KLF8: variants seen among roughly 807,000 people sequenced by gnomAD.
The protein encoded by KLF8 is KLF transcription factor 8.
KLF8 carries 10 observed loss-of-function variants against 18.2 expected under a neutral mutation model. That is an observed-to-expected ratio of 0.55 (90% confidence interval 0.34 to 0.93). The LOEUF (loss-of-function observed/expected upper bound fraction) is 0.93, where lower values mean the gene tolerates loss of function less well. Among genes scored for constraint, KLF8 ranks in the 40% least tolerant of loss-of-function variants. The pLI, the probability that KLF8 is intolerant of heterozygous loss-of-function variation, is 0.02. For missense variants in KLF8, 264 were observed against 277.9 expected (o/e 0.95, Z 0.36); for synonymous variants, 109 against 97.3 (o/e 1.12, Z -0.71).
At chrX:56,090,593 CT>C in the KLF8 span, among the ~76,000 whole-genome samples, 6 of 111,279 alleles carry the variant, frequency 5.4e-5, no homozygotes, top group Admixed American at 5.7e-4. Context: ...TTTTATATAC[CT>C]GTTGGCCATA....
chrX:56,063,650 A>T, the KLF8 span, among the ~76,000 whole-genome samples: 1 of 111,718 alleles, frequency 9.0e-6, no homozygotes, highest in Non-Finnish European at 1.9e-5. Flanking sequence ...CCACTTGAGG[A>T]GGCAGTCTGT....
chrX:55,935,145 G>T, the KLF8 span, among the ~76,000 whole-genome samples: 6 of 112,474 alleles, frequency 5.3e-5, no homozygotes, highest in Non-Finnish European at 9.4e-5. Context: ...AATACTAAGT[G>T]CTGGTGAATG....
chrX:55,985,844 C>T, the KLF8 span, among the ~76,000 whole-genome samples: 7 of 110,558 alleles, frequency 6.3e-5, no homozygotes, highest in Admixed American at 1.9e-4. Context: ...AGAGGTCCTT[C>T]GCTTTCCTTG....
chrX:55,925,334 A>C, the KLF8 span, among the ~76,000 whole-genome samples: 1 of 109,599 alleles, frequency 9.1e-6, no homozygotes, highest in Non-Finnish European at 1.9e-5. Context: ...CAAAAGGGTA[A>C]GGGGGCAATA....
the KLF8 span, among the ~76,000 whole-genome samples, chrX:56,064,926 T>C: frequency 9.0e-6 from 1 of 111,723 alleles, no homozygotes; most frequent in Non-Finnish European, 1.9e-5. Flanking sequence ...TATCCAATTC[T>C]CTCCTGGCAT....
At chrX:56,035,587 G>A in the KLF8 span, among the ~76,000 whole-genome samples, 1 of 112,224 alleles carries the variant, frequency 8.9e-6, no homozygotes, top group Non-Finnish European at 1.9e-5. Flanking sequence ...TACCAAGATT[G>A]TATAAGAGTT....
At chrX:56,216,937 G>T in the KLF8 span, among the ~76,000 whole-genome samples, 1 of 111,179 alleles carries the variant, frequency 9.0e-6, no homozygotes, top group East Asian at 2.8e-4. Flanking sequence ...TTCAACCTCA[G>T]GTAAGCCTTC....
chrX:56,119,803 G>A, the KLF8 span, among the ~76,000 whole-genome samples: 5 of 107,925 alleles, frequency 4.6e-5, no homozygotes, highest in Non-Finnish European at 7.6e-5. Flanking sequence ...GTTACAGAAG[G>A]GGCTGACTTC....
the KLF8 span, among the ~76,000 whole-genome samples, chrX:56,102,379 T>C: frequency 9.0e-6 from 1 of 111,667 alleles, no homozygotes; most frequent in Non-Finnish European, 1.9e-5. Flanking sequence ...TAAAGTCAGG[T>C]AGTTTGAAAA....
chrX:56,202,874 G>T, the KLF8 span, among the ~76,000 whole-genome samples: 5 of 111,080 alleles, frequency 4.5e-5, no homozygotes, highest in Non-Finnish European at 7.6e-5. Context: ...GGTAAACCCT[G>T]CTGGAACAAA....
At chrX:56,053,159 C>T in the KLF8 span, among the ~76,000 whole-genome samples, 1 of 112,201 alleles carries the variant, frequency 8.9e-6, no homozygotes, top group African/African-American at 3.2e-5. Context: ...TGACCTGCGC[C>T]CACTGTCTGG....
chrX:56,093,050 G>A, the KLF8 span, among the ~76,000 whole-genome samples: 249 of 108,085 alleles, frequency 2.3e-3, 4 homozygotes, highest in South Asian at 0.012. Flanking sequence ...CCCAAGAACT[G>A]TGGGACAACT....
the KLF8 span, among the ~76,000 whole-genome samples, chrX:56,198,242 A>C: frequency 1.8e-5 from 2 of 112,088 alleles, no homozygotes; most frequent in Admixed American, 1.9e-4. Flanking sequence ...GGCCAGGGCA[A>C]TCAGGCAAGA....
the KLF8 span, among the ~76,000 whole-genome samples, chrX:56,158,543 G>A: frequency 9.0e-6 from 1 of 111,494 alleles, no homozygotes; most frequent in Non-Finnish European, 1.9e-5. Context: ...TCTTCCATTT[G>A]TTTGTATCCT....
chrX:55,926,573 A>T, the KLF8 span, among the ~76,000 whole-genome samples: 3 of 111,112 alleles, frequency 2.7e-5, no homozygotes, highest in Non-Finnish European at 5.7e-5. Flanking sequence ...TGGGAATATG[A>T]TAATTTACTT....
the KLF8 span, among the ~76,000 whole-genome samples, chrX:56,189,261 C>T: frequency 1.8e-5 from 2 of 112,074 alleles, no homozygotes; most frequent in Non-Finnish European, 3.8e-5. Context: ...CCAAAAAACA[C>T]ATGAAAAAAT....
the KLF8 span, among the ~76,000 whole-genome samples, chrX:56,124,017 C>A: frequency 9.0e-6 from 1 of 111,535 alleles, no homozygotes; most frequent in African/African-American, 3.3e-5. Context: ...ATATAAAGCA[C>A]CCACAGTGCC....
chrX:56,069,441 G>A, the KLF8 span, among the ~76,000 whole-genome samples: 1 of 111,410 alleles, frequency 9.0e-6, no homozygotes. Flanking sequence ...GTGTATTAGA[G>A]CTTCTGGCCC....
intron 3 of KLF8, chrX:56,269,079 A>G: frequency 1.1e-6 from 1 of 908,234 alleles, no homozygotes; most frequent in Non-Finnish European, 1.4e-6. Context: ...AGATAGAAAG[A>G]TGAATCATAC....
Sources: allele counts gnomAD v4.1 joint callset (sites outside exome capture counted in the v4.1 genomes callset), GRCh38; gene constraint gnomAD v4.1.1; transcripts MANE v1.5; gene names NCBI Gene and HGNC (gene_info 2026-07-23, HGNC 2026-07-21).